Variants in SPOCK1 observed in about 807,000 individuals in gnomAD.
SPOCK1 encodes the protein testican-1.
SPOCK1 carries 23 observed loss-of-function variants against 55.3 expected under a neutral mutation model. The observed-to-expected ratio is 0.42, with a 90% CI of 0.30 to 0.59. The LOEUF (loss-of-function observed/expected upper bound fraction) is 0.59, where lower values mean the gene tolerates loss of function less well. SPOCK1 is among the 20% of genes least tolerant of loss of function. The probability of loss-of-function intolerance (pLI) is 0.22; values close to 1 mark genes in which losing one functional copy is unlikely to be tolerated. For missense variants in SPOCK1, 499 were observed against 552.5 expected, an observed-to-expected ratio of 0.90 and a Z score of 0.97; for synonymous variants, 226 against 221.0, an observed-to-expected ratio of 1.02 and a Z score of -0.20.
intron 2 of SPOCK1, among the ~76,000 whole-genome samples, chr5:137,301,001 C>G (rs906004478): frequency 6.6e-6 from 1 of 152,134 alleles, no homozygotes; most frequent in African/African-American, 2.4e-5. Context: ...TAGTCTAAGA[C>G]CATGTGGTCT....
intron 3 of SPOCK1, among the ~76,000 whole-genome samples, chr5:137,221,834 G>A (rs997464430): frequency 1.3e-5 from 2 of 152,196 alleles, no homozygotes; most frequent in Non-Finnish European, 2.9e-5. Context: ...TAATGAAAAT[G>A]ATGAATGAAT....
intron 2 of SPOCK1, among the ~76,000 whole-genome samples, chr5:137,305,581 C>A (rs960046054): frequency 5.3e-5 from 8 of 151,906 alleles, no homozygotes; most frequent in Non-Finnish European, 1.2e-4. Context: ...CGACAGGTTT[C>A]GGGATGGCCA....
At chr5:137,201,726 C>T (rs1348957034) in intron 3 of SPOCK1, among the ~76,000 whole-genome samples, 3 of 152,144 alleles carry the variant, frequency 2.0e-5, no homozygotes, top group Admixed American at 6.6e-5. Context: ...TAATGCTGCA[C>T]CACACTGAGA....
intron 2 of SPOCK1, among the ~76,000 whole-genome samples, chr5:137,430,505 A>G (rs1752721727): frequency 1.3e-5 from 2 of 152,218 alleles, no homozygotes; most frequent in Non-Finnish European, 2.9e-5. Context: ...GGATTCAGCA[A>G]TGATGAGACA....
rs146218639 is a variant in SPOCK1 at position 137,178,885 on chromosome 5, TAGTAC to T, written c.233-38196_233-38192del. On this transcript the variant is annotated intron_variant, in intron 3 of 10. Transcript: ENST00000394945. ...ATCCCCTGGGATAGGCTTAAGATAG[TAGTAC>T]AGCATAACCTTAATAAATGGCTAAG... 1.5e-4 allele frequency among the ~76,000 whole-genome samples: 23 copies of T among 152,314 alleles called. 2 individuals carry two copies. In the East Asian group the frequency reaches 4.4e-3, roughly 29 times the overall value.
chr5:137,012,007 C>CT (rs1281885744), intron 6 of SPOCK1, among the ~76,000 whole-genome samples: 4 of 152,144 alleles, frequency 2.6e-5, no homozygotes, highest in South Asian at 2.1e-4. Flanking sequence ...TCATTTATTT[C>CT]TTTTTTCATT....
chr5:137,346,386 T>C lies in SPOCK1; in HGVS notation c.187-79331A>G, dbSNP rs189376210. Among the ~76,000 whole-genome samples the C allele has an allele frequency of 2.3e-3, 348 of 152,310 alleles. 2 individuals carry two copies. The highest frequency in any genetic ancestry group is 7.6e-3 in the African/African-American group (314 of 41,552). ...GCTAATTTAAATGGATAGGATTTATTTGACTCAACTCTGCATTGTCTGACC... is the reference window on the plus strand; with the variant it reads ...GCTAATTTAAATGGATAGGATTTATCTGACTCAACTCTGCATTGTCTGACC... On this transcript the variant is annotated intron_variant, in intron 2 of 10. Transcript: ENST00000394945.
In SPOCK1 at chr5:137,436,265, C is replaced by G. The variant is rs1013261801; in HGVS notation, c.186+62108G>C. ...ATGTCAGAGTTAACCACAATTTTTC[C>G]TACTTTTCATTTTTTATTATTAAAA... On this transcript the variant is annotated intron_variant, in intron 2 of 10. Coordinates refer to ENST00000394945, the MANE Select transcript of SPOCK1 (RefSeq NM_004598.4). Among the ~76,000 whole-genome samples the G allele has an allele frequency of 1.2e-4, 19 of 152,048 alleles. 1 individual carries two copies. Among genetic ancestry groups the G allele is most frequent in the African/African-American group, 4.3e-4 (18 of 41,468 alleles).
chr5:137,199,162 A>T (rs1755361497), intron 3 of SPOCK1, among the ~76,000 whole-genome samples: 1 of 152,182 alleles, frequency 6.6e-6, no homozygotes, highest in African/African-American at 2.4e-5. Context: ...ATTCTGTCAC[A>T]TTGTGACCCA....
At chr5:137,306,216 A>G (rs540504640) in intron 2 of SPOCK1, among the ~76,000 whole-genome samples, 5 of 152,278 alleles carry the variant, frequency 3.3e-5, no homozygotes, top group Non-Finnish European at 5.9e-5. Context: ...TCTGAAACCT[A>G]TAAAGCCAGA....
At chr5:137,442,285 CG>C (rs1561536842) in intron 2 of SPOCK1, among the ~76,000 whole-genome samples, 2 of 151,992 alleles carry the variant, frequency 1.3e-5, no homozygotes, top group Admixed American at 6.6e-5. Flanking sequence ...GACGGGGGAG[CG>C]GGGGGAAGAT....
chr5:137,179,879 G>T (rs1754934654), intron 3 of SPOCK1, among the ~76,000 whole-genome samples: 1 of 152,130 alleles, frequency 6.6e-6, no homozygotes, highest in Non-Finnish European at 1.5e-5. Flanking sequence ...TGTGTCATGT[G>T]CTCCTTGAAG....
chr5:137,423,054 A>C (rs1385274184), intron 2 of SPOCK1, among the ~76,000 whole-genome samples: 1 of 152,202 alleles, frequency 6.6e-6, no homozygotes, highest in Non-Finnish European at 1.5e-5. Flanking sequence ...GGTCCACTCC[A>C]GACCCTGTTT....
intron 3 of SPOCK1, among the ~76,000 whole-genome samples, chr5:137,243,804 T>C (rs920359600): frequency 9.9e-5 from 15 of 152,156 alleles, no homozygotes; most frequent in African/African-American, 3.4e-4. Flanking sequence ...CCACCAGAAC[T>C]AATGATTCCA....
chr5:137,489,097 C>T (rs1377830169), intron 2 of SPOCK1, among the ~76,000 whole-genome samples: 1 of 152,214 alleles, frequency 6.6e-6, no homozygotes, highest in East Asian at 1.9e-4. Context: ...TTCATCTTCC[C>T]CAAAAAGAAA....
intron 3 of SPOCK1, among the ~76,000 whole-genome samples, chr5:137,177,127 G>C (rs917515075): frequency 3.3e-5 from 5 of 152,204 alleles, no homozygotes; most frequent in African/African-American, 4.8e-5. Flanking sequence ...TCAGGGAAAA[G>C]AGATGAATGA....
intron 2 of SPOCK1, among the ~76,000 whole-genome samples, chr5:137,453,918 T>C (rs1753312042): frequency 6.6e-6 from 1 of 152,152 alleles, no homozygotes; most frequent in Admixed American, 6.6e-5. Context: ...TGGGTTTCAC[T>C]TCTCCAAACT....
Position 137,393,810 on chromosome 5 carries a change from T to C in SPOCK1, c.186+104563A>G, listed in dbSNP as rs114454466. 7.5e-3 allele frequency among the ~76,000 whole-genome samples: 1,142 copies of C among 152,342 alleles called. 16 individuals carry two copies. Among genetic ancestry groups the C allele is most frequent in the African/African-American group, 0.026 (1,089 of 41,580 alleles). On this transcript the variant is annotated intron_variant, in intron 2 of 10. Transcript: ENST00000394945. ...GTGCCTAACTCAAGGCCAGGAACAT[T>C]GTATACACATAATAAACACTATTAA...
chr5:137,494,801 G>T lies in SPOCK1; in HGVS notation c.186+3572C>A, dbSNP rs562814769. 4.6e-5 allele frequency among the ~76,000 whole-genome samples: 7 copies of T among 152,262 alleles called. No individual in the cohort carries two copies. In the South Asian group the frequency reaches 1.5e-3, roughly 32 times the overall value. On this transcript the variant is annotated intron_variant, in intron 2 of 10. Coordinates refer to ENST00000394945, the MANE Select transcript of SPOCK1 (RefSeq NM_004598.4). The stretch of plus-strand genomic sequence containing the variant: ...AGTCAATGGTAGATAAATATTTGTT[G>T]GAATGAATGAAGGTACAAATGAACA...
Sources: gnomAD v4.1 joint callset for allele counts (sites outside exome capture counted in the v4.1 genomes callset) on GRCh38, gnomAD v4.1.1 for gene constraint, MANE v1.5 for transcripts, NCBI Gene and HGNC (gene_info 2026-07-23, HGNC 2026-07-21) for gene names.